TENM4: variants seen among roughly 807,000 people sequenced by gnomAD.
TENM4 encodes the protein teneurin-4.
In TENM4, 82 loss-of-function variants were observed where a neutral mutation model predicts 243.3. That is an observed-to-expected ratio of 0.34 (90% CI 0.28 to 0.40). The LOEUF is 0.40. Among genes scored for constraint, TENM4 ranks in the 10% least tolerant of loss-of-function variants. The probability of loss-of-function intolerance (pLI) is 1.00; values close to 1 mark genes in which losing one functional copy is unlikely to be tolerated. For synonymous variants in TENM4, 1,412 were observed against 1,456.3 expected (o/e 0.97, Z 0.69); for missense variants, 3,138 against 3,673.3 (o/e 0.85, Z 3.77).
chr11:78,877,110 C>T (rs1156691788), intron 9 of TENM4, among the ~76,000 whole-genome samples: 3 of 152,228 alleles, frequency 2.0e-5, no homozygotes, highest in Non-Finnish European at 1.5e-5. Context: ...TCGGCCCAGT[C>T]TGTGCTTTTG....
At chr11:79,110,276 C>T (rs1861474671) in intron 4 of TENM4, among the ~76,000 whole-genome samples, 1 of 152,232 alleles carries the variant, frequency 6.6e-6, no homozygotes, top group Admixed American at 6.5e-5. Context: ...TACAGCCCAA[C>T]CCTTAACAGC....
intron 3 of TENM4, among the ~76,000 whole-genome samples, chr11:79,191,143 C>T (rs1386285578): frequency 1.5e-5 from 1 of 66,166 alleles, no homozygotes; most frequent in Non-Finnish European, 3.0e-5. Flanking sequence ...GTCTCCCTCT[C>T]CCTCTCCTTT....
At chr11:79,340,222 G>A (rs988586691) in intron 1 of TENM4, among the ~76,000 whole-genome samples, 1 of 152,150 alleles carries the variant, frequency 6.6e-6, no homozygotes, top group African/African-American at 2.4e-5. Flanking sequence ...TATTGAGAAG[G>A]AAAATGGCTT....
chr11:79,277,066 T>C (rs949922826), intron 2 of TENM4, among the ~76,000 whole-genome samples: 2 of 152,202 alleles, frequency 1.3e-5, no homozygotes, highest in African/African-American at 4.8e-5. Flanking sequence ...GTGGGAATTC[T>C]TCTGCTTACA....
At chr11:79,079,343 G>A (rs1199241836) in intron 4 of TENM4, among the ~76,000 whole-genome samples, 1 of 152,210 alleles carries the variant, frequency 6.6e-6, no homozygotes, top group Admixed American at 6.5e-5. Context: ...GAGCTGGGAG[G>A]GCTCCCCCCA....
Position 78,903,529 on chromosome 11 carries a change from G to T in TENM4, c.494-6C>A. ...CTGCAGGCCGCCCGGATGATCTAGG[G>T]CACAAACATGGCGGTCAGCGGCGGT... On this transcript the variant is annotated splice_region_variant and splice_polypyrimidine_tract_variant and intron_variant, in intron 6 of 33. Transcript: ENST00000278550. The T allele has an allele frequency of 6.5e-7, 1 of 1,545,200 alleles. No individual in the cohort carries two copies. The highest frequency in any genetic ancestry group is 8.7e-7 in the Non-Finnish European group (1 of 1,146,604).
At chr11:78,828,663 G>A (rs1430611857) in intron 12 of TENM4, among the ~76,000 whole-genome samples, 1 of 152,200 alleles carries the variant, frequency 6.6e-6, no homozygotes, top group Non-Finnish European at 1.5e-5. Flanking sequence ...AGAGATCATG[G>A]TAATGTAATT....
chr11:79,060,350 T>A (rs1860055512), intron 6 of TENM4, among the ~76,000 whole-genome samples: 1 of 152,220 alleles, frequency 6.6e-6, no homozygotes, highest in African/African-American at 2.4e-5. Context: ...GCTGCTGACA[T>A]TAACCTTCAG....
intron 1 of TENM4, among the ~76,000 whole-genome samples, chr11:79,396,647 C>T (rs141954576): frequency 1.3e-5 from 2 of 152,334 alleles, no homozygotes; most frequent in Non-Finnish European, 2.9e-5. Context: ...TGGCTAGAGG[C>T]ATAATAGCGC....
intron 1 of TENM4, among the ~76,000 whole-genome samples, chr11:79,358,379 C>T (rs1244492536): frequency 6.6e-6 from 1 of 152,154 alleles, no homozygotes; most frequent in Non-Finnish European, 1.5e-5. Context: ...GGTGGTATCC[C>T]CAGAGAGCTC....
chr11:78,858,378 A>G (rs75167113), intron 10 of TENM4, among the ~76,000 whole-genome samples: 1 of 151,962 alleles, frequency 6.6e-6, no homozygotes, highest in African/African-American at 2.4e-5. Flanking sequence ...GAAAAAAAAA[A>G]GTGAACTCTG....
chr11:78,815,425 A>G (rs562821718), intron 12 of TENM4, among the ~76,000 whole-genome samples: 2 of 152,126 alleles, frequency 1.3e-5, no homozygotes, highest in South Asian at 4.2e-4. Flanking sequence ...CTTCTGCACT[A>G]CTTGCATCCC....
At chr11:78,666,330 C>G (rs1858159543) in intron 32 of TENM4, among the ~76,000 whole-genome samples, 1 of 152,178 alleles carries the variant, frequency 6.6e-6, no homozygotes, top group South Asian at 2.1e-4. Context: ...AAAATGAGTG[C>G]ATCACACTTA....
chr11:78,906,383 G>A (rs1387020497), intron 6 of TENM4, among the ~76,000 whole-genome samples: 2 of 152,294 alleles, frequency 1.3e-5, no homozygotes, highest in East Asian at 3.9e-4. Context: ...GCTAAATGCA[G>A]GAAAAAGGTC....
At chr11:78,845,683 C>T (rs936077076) in intron 12 of TENM4, among the ~76,000 whole-genome samples, 1 of 152,070 alleles carries the variant, frequency 6.6e-6, no homozygotes, top group Non-Finnish European at 1.5e-5. Flanking sequence ...AAAATAATAT[C>T]ACTATGTGAG....
At chr11:79,403,120 T>C (rs552817017) in intron 1 of TENM4, among the ~76,000 whole-genome samples, 1 of 152,344 alleles carries the variant, frequency 6.6e-6, no homozygotes, top group African/African-American at 2.4e-5. Context: ...CATGACATGC[T>C]GTCAATAGAG....
intron 1 of TENM4, among the ~76,000 whole-genome samples, chr11:79,344,988 A>G (rs1022845108): frequency 2.6e-5 from 4 of 152,234 alleles, no homozygotes; most frequent in Admixed American, 2.6e-4. Flanking sequence ...ATTTTTTTTC[A>G]GCCCATCTTT....
At chr11:79,431,012 A>G (rs2135610069) in intron 1 of TENM4, among the ~76,000 whole-genome samples, 1 of 152,362 alleles carries the variant, frequency 6.6e-6, no homozygotes, top group South Asian at 2.1e-4. Flanking sequence ...GAAAGAGCAC[A>G]GGGACGCACC....
chr11:78,839,719 A>T (rs1858206878), intron 12 of TENM4, among the ~76,000 whole-genome samples: 1 of 152,206 alleles, frequency 6.6e-6, no homozygotes, highest in South Asian at 2.1e-4. Flanking sequence ...CAAACATTTA[A>T]CCAGGAACCA....
Sources: gnomAD v4.1 joint callset for allele counts (sites outside exome capture counted in the v4.1 genomes callset) on GRCh38, gnomAD v4.1.1 for gene constraint, MANE v1.5 for transcripts, NCBI Gene and HGNC (gene_info 2026-07-23, HGNC 2026-07-21) for gene names.